IREB2: variants seen among roughly 807,000 people sequenced by gnomAD.
IREB2 encodes the protein iron-responsive element-binding protein 2.
A neutral mutation model predicts 118.8 loss-of-function variants in IREB2; 39 were observed. That is an observed-to-expected ratio of 0.33 (90% CI 0.25 to 0.43). The LOEUF is 0.43. IREB2 is among the 20% of genes least tolerant of loss of function. The pLI is 1.00. For missense variants in IREB2, 900 were observed against 1,147.3 expected (o/e 0.78, Z 3.11); for synonymous variants, 372 against 392.2 (o/e 0.95, Z 0.61).
intron 2 of IREB2, among the ~76,000 whole-genome samples, chr15:78,452,200 C>T (rs77675356): frequency 0.014 from 2,083 of 152,000 alleles, 68 homozygotes; most frequent in African/African-American, 0.045. Flanking sequence ...GAAAATGCCT[C>T]GATGTTTTGG....
intron 8 of IREB2, chr15:78,473,782 T>C (rs1297646910): frequency 6.5e-6 from 1 of 154,464 alleles, no homozygotes. Context: ...CATTATGCCT[T>C]ATTAGTGCCT....
rs1431775522 is a variant in IREB2 at position 78,501,005 on chromosome 15, GA to G, written c.*2865del. On this transcript the variant is annotated 3_prime_UTR_variant, in exon 22 of 22. Coordinates refer to ENST00000258886, the MANE Select transcript of IREB2 (RefSeq NM_004136.4). Reference sequence around the variant, plus strand: ...ACAGTGATGAGTGAGAGGATGAGAAGAAATTATTTGACATTTTTCTGTGGTT... The same window carrying G: ...ACAGTGATGAGTGAGAGGATGAGAAGAATTATTTGACATTTTTCTGTGGTT... 1 of 152,186 alleles carries G rather than the reference GA, an allele frequency of 6.6e-6. No individual in the cohort carries two copies. Among genetic ancestry groups the G allele is most frequent in the African/African-American group, 2.4e-5 (1 of 41,450 alleles). The allele number at this position is 152,186 out of a possible 1,614,324, so 9.4% of individuals were successfully genotyped here.
At chr15:78,496,415 C>CA (rs145983494) in intron 20 of IREB2, among the ~76,000 whole-genome samples, 1,935 of 152,034 alleles carry the variant, frequency 0.013, 42 homozygotes, top group African/African-American at 0.044. Flanking sequence ...TACAGGTGTG[C>CA]ACCACCATGT....
chr15:78,447,268 C>CGGTAATTAGTTG (rs2050946480), intron 2 of IREB2, among the ~76,000 whole-genome samples: 1 of 151,268 alleles, frequency 6.6e-6, no homozygotes, highest in Non-Finnish European at 1.5e-5. Flanking sequence ...CTTCAACCTC[C>CGGTAATTAGTTG]TGGACTCAGG....
chr15:78,473,182 T>C, intron 7 of IREB2, 60 bp from the exon 8 acceptor site: 1 of 1,490,532 alleles, frequency 6.7e-7, no homozygotes, highest in Non-Finnish European at 9.3e-7. Flanking sequence ...GATTCAGATG[T>C]TACAGAGATA....
At chr15:78,493,460 T>G (rs72738743) in intron 18 of IREB2, among the ~76,000 whole-genome samples, 23,079 of 152,236 alleles carry the variant, frequency 0.15, 1,784 homozygotes, top group Non-Finnish European at 0.16. Flanking sequence ...AATTCATGTT[T>G]AAAGGTCAAC....
chr15:78,493,668 A>C (rs1349806906), intron 18 of IREB2, among the ~76,000 whole-genome samples: 1 of 152,120 alleles, frequency 6.6e-6, no homozygotes, highest in Non-Finnish European at 1.5e-5. Flanking sequence ...TGTACTGAAA[A>C]GTATGCTGTT....
chr15:78,491,314 C>T (rs2051746118), intron 18 of IREB2, among the ~76,000 whole-genome samples: 1 of 152,058 alleles, frequency 6.6e-6, no homozygotes, highest in Non-Finnish European at 1.5e-5. Context: ...GATTTCATTT[C>T]TACATGATTA....
intron 2 of IREB2, among the ~76,000 whole-genome samples, chr15:78,458,046 A>T (rs78385743): frequency 0.026 from 4,024 of 152,216 alleles, 79 homozygotes; most frequent in Non-Finnish European, 0.041. Context: ...GGTAAGGAAG[A>T]TATTCTTCAC....
At chr15:78,493,725 TAGA>T (rs1466867093) in intron 18 of IREB2, among the ~76,000 whole-genome samples, 181 bp from the exon 19 acceptor site, 2 of 152,194 alleles carry the variant, frequency 1.3e-5, no homozygotes, top group African/African-American at 4.8e-5. Flanking sequence ...GGGTTGACTG[TAGA>T]AGAAACGGAG....
At chr15:78,480,788 T>TC (rs2051556212) in intron 10 of IREB2, among the ~76,000 whole-genome samples, 1 of 149,064 alleles carries the variant, frequency 6.7e-6, no homozygotes, top group African/African-American at 2.5e-5. Flanking sequence ...AACAGGCAAA[T>TC]CATGAGGTCA....
chr15:78,473,344 T>C lies in IREB2; in HGVS notation c.986T>C (p.Phe329Ser). ...GCELTGSSNP[F>S]VTSIDVVLGI... ...GAGTTAACTGGGTCATCAAACCCTT[T>C]TGTTACATCCATAGATGTTGTTCTT... The change falls in exon 8 of 22, where the codon TTT becomes TCT. Residue 329 changes from phenylalanine (F) to serine (S), a missense_variant. Phe to Ser is a radical substitution (Grantham distance 155). Transcript: ENST00000258886. The C allele has an allele frequency of 6.2e-7, 1 of 1,613,946 alleles. No individual in the cohort carries two copies. The highest frequency in any genetic ancestry group is 8.5e-7 in the Non-Finnish European group (1 of 1,179,814).
chr15:78,450,991 A>G (rs1245363832), intron 2 of IREB2, among the ~76,000 whole-genome samples: 3 of 151,902 alleles, frequency 2.0e-5, no homozygotes, highest in Non-Finnish European at 4.4e-5. Flanking sequence ...TTTCATTCAA[A>G]TCTTGCTCTG....
chr15:78,495,356 G>T, intron 20 of IREB2, among the ~76,000 whole-genome samples: 1 of 152,116 alleles, frequency 6.6e-6, no homozygotes, highest in East Asian at 1.9e-4. Flanking sequence ...TGTTTTTGAT[G>T]TTGGAAGCTT....
chr15:78,469,562 A>C (rs1354970602), intron 5 of IREB2, among the ~76,000 whole-genome samples: 1 of 152,068 alleles, frequency 6.6e-6, no homozygotes, highest in Non-Finnish European at 1.5e-5. Context: ...CATCTCTACT[A>C]AAAATACAAA....
chr15:78,446,444 C>T (rs764334321), intron 2 of IREB2, among the ~76,000 whole-genome samples: 64 of 152,220 alleles, frequency 4.2e-4, no homozygotes, highest in Non-Finnish European at 8.5e-4. Flanking sequence ...ACAGCGCTCC[C>T]CAGGCCAATG....
intron 10 of IREB2, chr15:78,481,600 CAT>C (rs2141507435): frequency 6.6e-6 from 1 of 151,194 alleles, no homozygotes; most frequent in South Asian, 2.1e-4. Context: ...CTCCTGACCT[CAT>C]GATCCGCCTG....
intron 2 of IREB2, among the ~76,000 whole-genome samples, chr15:78,444,537 C>T (rs1043478601): frequency 2.0e-5 from 3 of 151,960 alleles, no homozygotes; most frequent in Non-Finnish European, 4.4e-5. Context: ...ACTGCTTAGT[C>T]CTCCAGTAGA....
At chr15:78,477,532 G>T (rs1439215795) in intron 9 of IREB2, among the ~76,000 whole-genome samples, 1 of 152,150 alleles carries the variant, frequency 6.6e-6, no homozygotes, top group South Asian at 2.1e-4. Flanking sequence ...ATTCTCAAGG[G>T]TTAGGAGAAA....
Sources: gnomAD v4.1 joint callset for allele counts (sites outside exome capture counted in the v4.1 genomes callset) on GRCh38, gnomAD v4.1.1 for gene constraint, MANE v1.5 for transcripts, NCBI Gene and HGNC (gene_info 2026-07-23, HGNC 2026-07-21) for gene names.